The following MYO7A variants were observed in gnomAD, a reference collection of about 807,000 sequenced individuals.
The protein encoded by MYO7A is unconventional myosin-VIIa.
In MYO7A, 210 loss-of-function variants were observed where a neutral mutation model predicts 263.8. The observed-to-expected ratio is 0.80, with a 90% CI of 0.71 to 0.89. The LOEUF is 0.89. Ranked by LOEUF, MYO7A falls within the 40% of genes least tolerant of loss-of-function variation. The pLI is 0.00. For synonymous variants in MYO7A, 1,239 were observed against 1,197.3 expected, an observed-to-expected ratio of 1.03 and a Z score of -0.72; for missense variants, 2,820 against 2,968.3, an observed-to-expected ratio of 0.95 and a Z score of 1.16.
rs114849436 is a variant in MYO7A at position 77,205,378 on chromosome 11, C to T, written c.5481-84C>T. ...TGCTGTGATGAGCAGCTGAGGGGTA[C>T]ATGGCCCCCTCACCCGGGGGTGCAC... On this transcript the variant is annotated intron_variant, in intron 39 of 48. Coordinates refer to ENST00000409709, the MANE Select transcript of MYO7A (RefSeq NM_000260.4). 1,948 of 1,465,238 alleles carry T rather than the reference C, an allele frequency of 1.3e-3. 19 individuals carry two copies. In the African/African-American group the frequency reaches 0.025, roughly 19 times the overall value. The allele number at this position is 1,465,238 out of a possible 1,614,324, so 90.8% of individuals were successfully genotyped here.
Position 77,158,378 on chromosome 11 carries a change from G to A in MYO7A, c.951G>A (p.Glu317=), listed in dbSNP as rs2135257914. The change falls in exon 9 of 49, where the codon GAG becomes GAA. Residue 317 remains glutamate (E), a synonymous_variant. Coordinates refer to ENST00000409709, the MANE Select transcript of MYO7A (RefSeq NM_000260.4). ...TGTTCACTGACACCGAGAACTGGGA[G>A]ATCTCGAAGCTCCTGGCTGCCATCC... ...VLMFTDTENW[E]ISKLLAAILH... 6.2e-7 allele frequency: 1 copy of A among 1,613,238 alleles called. No individual in the cohort carries two copies. The highest frequency in any genetic ancestry group is 1.7e-4 in the Middle Eastern group (1 of 6,058).
intron 15 of MYO7A, among the ~76,000 whole-genome samples, chr11:77,167,861 G>C (rs12283816): frequency 0.13 from 19,236 of 152,064 alleles, 4,048 homozygotes; most frequent in African/African-American, 0.44. Flanking sequence ...AGCCCTGGAA[G>C]AACCTCCCGC....
chr11:77,187,561 A>G (rs1555089101), intron 27 of MYO7A, among the ~76,000 whole-genome samples: 2 of 152,144 alleles, frequency 1.3e-5, no homozygotes, highest in African/African-American at 4.8e-5. Context: ...GGTTAAGGTT[A>G]CTGTGCCTGG....
rs1174197872 is a variant in MYO7A, at chr11:77,182,457, T to C, written c.3142T>C (p.Phe1048Leu). The C allele has an allele frequency of 2.5e-6, 4 of 1,609,186 alleles. No homozygotes were observed. The highest frequency in any genetic ancestry group is 3.4e-6 in the Non-Finnish European group (4 of 1,179,764). The change falls in exon 25 of 49, where the codon TTC becomes CTC. Residue 1048 changes from phenylalanine (F) to leucine (L), a missense_variant. Coordinates refer to ENST00000409709, the MANE Select transcript of MYO7A (RefSeq NM_000260.4). ...GGCGGTCTGGATCACCATCCTCCGC[T>C]TCATGGGGGACCTCCCTGAGCCCAA... ...ALAVWITILRFMGDLPEPKYH... is the reference protein window; with the variant it reads ...ALAVWITILRLMGDLPEPKYH...
chr11:77,149,321 G>T (rs1951809332), intron 4 of MYO7A, among the ~76,000 whole-genome samples: 1 of 152,206 alleles, frequency 6.6e-6, no homozygotes, highest in Non-Finnish European at 1.5e-5. Flanking sequence ...GGAGGTGTGG[G>T]GTCTGCAGGA....
intron 15 of MYO7A, among the ~76,000 whole-genome samples, chr11:77,171,719 A>G (rs1954111518): frequency 6.6e-6 from 1 of 152,242 alleles, no homozygotes; most frequent in Non-Finnish European, 1.5e-5. Context: ...CAAGTAAAAT[A>G]AGAAATTCTC....
intron 33 of MYO7A, among the ~76,000 whole-genome samples, chr11:77,198,113 A>G (rs972461832): frequency 1.2e-4 from 18 of 152,336 alleles, no homozygotes; most frequent in African/African-American, 4.3e-4. Flanking sequence ...TCCTCGGGCC[A>G]TCGTTACTGG....
chr11:77,203,444 C>G (rs1332593305), intron 38 of MYO7A, among the ~76,000 whole-genome samples: 1 of 152,194 alleles, frequency 6.6e-6, no homozygotes, highest in East Asian at 1.9e-4. Context: ...TGTGCTGGGC[C>G]AGGCATGCAG....
chr11:77,194,470 G>A lies in MYO7A; in HGVS notation c.4269G>A (p.Thr1423=), dbSNP rs200174880. The A allele has an allele frequency of 1.6e-5, 25 of 1,609,382 alleles. No individual in the cohort carries two copies. The highest frequency in any genetic ancestry group is 1.7e-4 in the Middle Eastern group (1 of 6,054). The part of the protein sequence containing the change: ...VPTYIPDREI[T]PLKTLEKWAQ... Reference sequence around the variant, plus strand: ...CCTACATCCCCGACCGCGAGATCACGCCCCTGAAGACGCTGGAGAAGTGGG... The same window carrying A: ...CCTACATCCCCGACCGCGAGATCACACCCCTGAAGACGCTGGAGAAGTGGG... Residue 1423 remains threonine (T), a synonymous_variant, in exon 32 of 49, where the codon ACG becomes ACA. Coordinates refer to ENST00000409709, the MANE Select transcript of MYO7A (RefSeq NM_000260.4).
intron 15 of MYO7A, among the ~76,000 whole-genome samples, chr11:77,169,292 C>T (rs1212578319): frequency 6.6e-6 from 1 of 152,266 alleles, no homozygotes; most frequent in African/African-American, 2.4e-5. Context: ...GGCAGCCCCA[C>T]CACAGCCCTT....
intron 16 of MYO7A, among the ~76,000 whole-genome samples, chr11:77,174,389 G>A (rs1954424519): frequency 6.6e-6 from 1 of 152,144 alleles, no homozygotes; most frequent in Admixed American, 6.5e-5. Flanking sequence ...TCCCAGCAAA[G>A]TCCTGCGCTT....
chr11:77,204,899 C>T (rs911500700), intron 39 of MYO7A, among the ~76,000 whole-genome samples: 7 of 152,302 alleles, frequency 4.6e-5, no homozygotes, highest in African/African-American at 1.7e-4. Context: ...TCAGCCCCTT[C>T]TCTGCATGCC....
Position 77,211,348 on chromosome 11 carries a change from G to A in MYO7A, c.6237+11G>A. ...GATGACTGGAAGCGGGTGAGCATGG[G>A]GTGGGCATCGGGAATGGTGGGGCCC... On this transcript the variant is annotated intron_variant, in intron 45 of 48. Coordinates refer to ENST00000409709, the MANE Select transcript of MYO7A (RefSeq NM_000260.4). The A allele has an allele frequency of 6.4e-7, 1 of 1,568,208 alleles. No homozygotes were observed. Among genetic ancestry groups the A allele is most frequent in the South Asian group, 1.2e-5 (1 of 85,214 alleles).
In MYO7A at chr11:77,184,149, G is replaced by T. The variant is rs1955476504; in HGVS notation, c.3376-439G>T. Among the ~76,000 whole-genome samples, 3 of 152,186 alleles carry T rather than the reference G, an allele frequency of 2.0e-5. No individual in the cohort carries two copies. The South Asian group carries it at 6.2e-4, about 31-fold the overall frequency. ...CTGGTGTGAGGCTGGTCACATCGGG[G>T]CTAAGGGTGTTGGTGACAGAGTGGT... is the stretch of plus-strand genomic sequence containing the variant. On this transcript the variant is annotated intron_variant, in intron 26 of 48. Transcript: ENST00000409709.
rs1156654739 is a variant in MYO7A at position 77,211,234 on chromosome 11, A to G, written c.6134A>G (p.Lys2045Arg). 1 of 1,587,968 alleles carries G rather than the reference A, an allele frequency of 6.3e-7. No homozygotes were observed. Among genetic ancestry groups the G allele is most frequent in the African/African-American group, 1.3e-5 (1 of 74,562 alleles). Residue 2045 changes from lysine to arginine, a missense_variant, in exon 45 of 49, where the codon AAG (lysine) becomes AGG (arginine). Transcript: ENST00000409709. ...CTGGGGGCGCTGATCTACAGGGTCAAGTTCGAGGAGGACAAGTCCTACTTC... is the reference window on the plus strand; with the variant it reads ...CTGGGGGCGCTGATCTACAGGGTCAGGTTCGAGGAGGACAAGTCCTACTTC... ...LQLGALIYRV[K>R]FEEDKSYFPS...
In MYO7A at chr11:77,156,098, G is replaced by A. The variant is rs782450386; in HGVS notation, c.470+7G>A. The A allele has an allele frequency of 5.4e-5, 87 of 1,613,074 alleles. No homozygotes were observed. Among genetic ancestry groups the A allele is most frequent in the East Asian group, 2.5e-4 (11 of 44,874 alleles). The stretch of plus-strand genomic sequence containing the variant: ...ACCAGTGCTGCATCATCAGGTGGGC[G>A]GCCCAGCACCTGTGTGGAGCTCCAG... On this transcript the variant is annotated splice_region_variant and intron_variant, in intron 5 of 48. Transcript: ENST00000409709.
At chr11:77,207,955 C>T (rs1957569354) in intron 42 of MYO7A, among the ~76,000 whole-genome samples, 1 of 152,214 alleles carries the variant, frequency 6.6e-6, no homozygotes, top group Admixed American at 6.5e-5. Context: ...ACGGGAAGGC[C>T]TCCCTGACCG....
At chr11:77,144,481 G>A (rs942154897) in intron 3 of MYO7A, among the ~76,000 whole-genome samples, 15 of 152,170 alleles carry the variant, frequency 9.9e-5, no homozygotes, top group Non-Finnish European at 2.2e-4. Flanking sequence ...TGAGAGTGGG[G>A]GCTGCAGGAG....
rs554251736 is a variant in MYO7A at position 77,203,185 on chromosome 11, A to T, written c.5294A>T (p.Glu1765Val). The part of the protein sequence containing the change: ...ALLKKLLGSE[E>V]LSQEACLAFI... ...CTCAAGAAGCTCCTGGGCAGTGAGG[A>T]GCTCTCGCAGGAGGCCTGCCTGGCC... Residue 1765 changes from glutamate (E) to valine (V), a missense_variant, in exon 38 of 49, where the codon GAG (glutamate) becomes GTG (valine). By Grantham distance (121) the Glu-to-Val change is moderately radical. Coordinates refer to ENST00000409709, the MANE Select transcript of MYO7A (RefSeq NM_000260.4). 7 of 1,552,608 alleles carry T rather than the reference A, an allele frequency of 4.5e-6. No homozygotes were observed. The African/African-American group carries it at 6.8e-5, about 15-fold the overall frequency.
Sources: gnomAD v4.1 joint callset for allele counts (sites outside exome capture counted in the v4.1 genomes callset) on GRCh38, gnomAD v4.1.1 for gene constraint, MANE v1.5 for transcripts, NCBI Gene and HGNC (gene_info 2026-07-23, HGNC 2026-07-21) for gene names.